The following PPP2CB variants were observed in gnomAD, a reference collection of about 807,000 sequenced individuals.
The protein encoded by PPP2CB is serine/threonine-protein phosphatase 2A catalytic subunit beta isoform.
PPP2CB carries 18 observed loss-of-function variants against 39.1 expected under a neutral mutation model. That is an observed-to-expected ratio of 0.46 (90% CI 0.32 to 0.68). The LOEUF (loss-of-function observed/expected upper bound fraction) is 0.68, where lower values mean the gene tolerates loss of function less well. Ranked by LOEUF, PPP2CB falls within the 30% of genes least tolerant of loss-of-function variation. The pLI is 0.04. For missense variants in PPP2CB, 226 were observed against 396.9 expected, an observed-to-expected ratio of 0.57 and a Z score of 3.66; for synonymous variants, 129 against 133.8, an observed-to-expected ratio of 0.96 and a Z score of 0.25.
At chr8:30,812,294 C>G in intron 1 of PPP2CB, 26 bp downstream of exon 1, 1 of 1,481,170 alleles carries the variant, frequency 6.8e-7, no homozygotes, top group Non-Finnish European at 9.0e-7. Context: ...CCCGCGCTCC[C>G]GCACTCGCCC....
intron 3 of PPP2CB, among the ~76,000 whole-genome samples, chr8:30,795,302 A>G (rs374584342): frequency 1.3e-5 from 2 of 151,844 alleles, no homozygotes; most frequent in East Asian, 1.9e-4. Context: ...TTTAGTAGAG[A>G]CAGGGTTTCT....
rs1314733797 is a variant in PPP2CB, at chr8:30,812,810, C to T, written c.-389G>A. On this transcript the variant is annotated 5_prime_UTR_variant, in exon 1 of 7. Coordinates refer to ENST00000221138, the MANE Select transcript of PPP2CB (RefSeq NM_001009552.2). ...CCGGCCTCTCCCGACTTGTCTTTCC[C>T]CTTCTCTCGCTCTTTCTCTCCCCTC... is the stretch of plus-strand genomic sequence containing the variant. 2 of 460,242 alleles carry T rather than the reference C, an allele frequency of 4.3e-6. No homozygotes were observed. Among genetic ancestry groups the T allele is most frequent in the African/African-American group, 2.0e-5 (1 of 50,370 alleles). The allele number at this position is 460,242 out of a possible 1,614,324, so 28.5% of individuals were successfully genotyped here.
At chr8:30,791,960 GTATACGTGTGTATATGTGTATA>G (rs1806441388) in intron 5 of PPP2CB, among the ~76,000 whole-genome samples, 1 of 136,742 alleles carries the variant, frequency 7.3e-6, no homozygotes, top group Non-Finnish European at 1.5e-5. Context: ...GCGCATATAT[GTATACGTGTGTATATGTGTATA>G]TATACGTGTG....
At chr8:30,803,691 T>C (rs1210265735) in intron 1 of PPP2CB, among the ~76,000 whole-genome samples, 4 of 152,152 alleles carry the variant, frequency 2.6e-5, no homozygotes, top group Non-Finnish European at 5.9e-5. Flanking sequence ...AATCAGACTA[T>C]ACAAAAATGC....
intron 1 of PPP2CB, among the ~76,000 whole-genome samples, chr8:30,800,437 T>C (rs1348454759): frequency 6.6e-6 from 1 of 152,216 alleles, no homozygotes; most frequent in Non-Finnish European, 1.5e-5. Context: ...ATTATGCAAA[T>C]TCTTGTGTGA....
chr8:30,786,080 A>T lies in PPP2CB; in HGVS notation c.*155T>A, dbSNP rs1487265182. On this transcript the variant is annotated 3_prime_UTR_variant, in exon 7 of 7. Coordinates refer to ENST00000221138, the MANE Select transcript of PPP2CB (RefSeq NM_001009552.2). Reference sequence around the variant, plus strand: ...ATTGTGCTAAATGCTCATCATTAGTATGGCACATTTGGTCCATGATGTGGT... The same window carrying T: ...ATTGTGCTAAATGCTCATCATTAGTTTGGCACATTTGGTCCATGATGTGGT... The T allele has an allele frequency of 1.1e-5, 8 of 717,422 alleles. No individual in the cohort carries two copies. Among genetic ancestry groups the T allele is most frequent in the Non-Finnish European group, 2.0e-5 (8 of 401,650 alleles). The allele number at this position is 717,422 out of a possible 1,614,324, so 44.4% of individuals were successfully genotyped here.
chr8:30,800,484 A>G (rs949965883), intron 1 of PPP2CB, among the ~76,000 whole-genome samples: 2 of 152,238 alleles, frequency 1.3e-5, no homozygotes, highest in Non-Finnish European at 2.9e-5. Flanking sequence ...GCCAACCTTG[A>G]ATTTCTTTAT....
chr8:30,803,270 C>A (rs1391865326), intron 1 of PPP2CB, among the ~76,000 whole-genome samples: 1 of 151,922 alleles, frequency 6.6e-6, no homozygotes, highest in African/African-American at 2.4e-5. Context: ...AGGCCGGGGG[C>A]AGTGGCTCAC....
In PPP2CB at chr8:30,812,460, G is replaced by A. The variant is rs1265365117; in HGVS notation, c.-39C>T. 1 of 1,418,054 alleles carries A rather than the reference G, an allele frequency of 7.1e-7. No individual in the cohort carries two copies. The highest frequency in any genetic ancestry group is 1.3e-5 in the South Asian group (1 of 74,086). 87.8% of individuals were successfully genotyped at this position (1,418,054 alleles called of 1,614,324 possible). A position where few individuals can be genotyped will look rare whatever the true frequency, so the allele number is the denominator to read the frequency against. ...CGATGCGGATCCCGAGCCCCAGCCC[G>A]GCCGCCGCCCTCCCCCCTCCCCACC... On this transcript the variant is annotated 5_prime_UTR_variant, in exon 1 of 7. Coordinates refer to ENST00000221138, the MANE Select transcript of PPP2CB (RefSeq NM_001009552.2).
At chr8:30,804,382 T>TG (rs1563217113) in intron 1 of PPP2CB, among the ~76,000 whole-genome samples, 1 of 152,192 alleles carries the variant, frequency 6.6e-6, no homozygotes, top group Non-Finnish European at 1.5e-5. Flanking sequence ...GATCTCTGCC[T>TG]GGGGGCTCTG....
rs142043612 is a variant in PPP2CB at position 30,797,645 on chromosome 8, T to A, written c.422A>T (p.Asn141Ile). Residue 141 changes from asparagine (N) to isoleucine (I), a missense_variant, in exon 3 of 7, where the codon AAC becomes ATC. By Grantham distance (149) the Asn-to-Ile change is moderately radical. Coordinates refer to ENST00000221138, the MANE Select transcript of PPP2CB (RefSeq NM_001009552.2). ...GAGATCTGTAAAATATTTCCAAACG[T>A]TGGCATTCCCATACTTTCGCAGACA... Reference protein sequence around the residue: ...DECLRKYGNANVWKYFTDLFD... With the variant: ...DECLRKYGNAIVWKYFTDLFD... The A allele has an allele frequency of 1.2e-5, 20 of 1,613,868 alleles. No homozygotes were observed. The Admixed American group carries it at 3.2e-4, about 26-fold the overall frequency.
At chr8:30,786,633 A>T in intron 6 of PPP2CB, 1 of 108,732 alleles carries the variant, frequency 9.2e-6, no homozygotes, top group Admixed American at 1.5e-4. Flanking sequence ...ATAATTGTTT[A>T]ATATTATTTA....
intron 1 of PPP2CB, among the ~76,000 whole-genome samples, chr8:30,807,408 C>T (rs1303491761): frequency 6.6e-6 from 1 of 152,228 alleles, no homozygotes; most frequent in East Asian, 1.9e-4. Context: ...CATACTATTT[C>T]ACATTAGGAA....
In PPP2CB at chr8:30,797,645, T is replaced by C. The variant is rs142043612; in HGVS notation, c.422A>G (p.Asn141Ser). 37 of 1,613,868 alleles carry C rather than the reference T, an allele frequency of 2.3e-5. No homozygotes were observed. In the Middle Eastern group the frequency reaches 2.3e-3, roughly 100 times the overall value. Residue 141 changes from asparagine (N) to serine (S), a missense_variant, in exon 3 of 7, where the codon AAC becomes AGC. By Grantham distance (46) the Asn-to-Ser change is conservative. Coordinates refer to ENST00000221138, the MANE Select transcript of PPP2CB (RefSeq NM_001009552.2). The part of the protein sequence containing the change: ...DECLRKYGNA[N>S]VWKYFTDLFD... ...GAGATCTGTAAAATATTTCCAAACG[T>C]TGGCATTCCCATACTTTCGCAGACA...
At chr8:30,812,231 G>T in intron 1 of PPP2CB, 89 bp downstream of exon 1, 1 of 992,594 alleles carries the variant, frequency 1.0e-6, no homozygotes, top group Non-Finnish European at 1.3e-6. Flanking sequence ...GGCCGCGCCG[G>T]GCCAGGGGCG....
chr8:30,793,149 A>G (rs943158987), intron 5 of PPP2CB: 2 of 152,218 alleles, frequency 1.3e-5, no homozygotes, highest in African/African-American at 2.4e-5. Flanking sequence ...AGGACACACC[A>G]TCTTTCTATG....
intron 6 of PPP2CB, 71 bp downstream of exon 6, chr8:30,791,126 A>G (rs1806420698): frequency 9.4e-7 from 1 of 1,066,068 alleles, no homozygotes; most frequent in South Asian, 1.6e-5. Flanking sequence ...TCAGAAACAG[A>G]AATCTTCTAT....
chr8:30,797,612 T>C lies in PPP2CB; in HGVS notation c.455A>G (p.Tyr152Cys). The C allele has an allele frequency of 6.2e-7, 1 of 1,613,930 alleles. No individual in the cohort carries two copies. Among genetic ancestry groups the C allele is most frequent in the African/African-American group, 1.3e-5 (1 of 75,056 alleles). ...VWKYFTDLFD[Y>C]LPLTALVDGQ... is the part of the protein sequence containing the mutation. ...ATCTACTAAAGCTGTAAGTGGAAGA[T>C]AATCAAAGAGATCTGTAAAATATTT... The change falls in exon 3 of 7, where the codon TAT (tyrosine) becomes TGT (cysteine). Residue 152 changes from tyrosine (Y) to cysteine (C), a missense_variant. By Grantham distance (194) the Tyr-to-Cys change is radical. This residue lies in a region of PPP2CB where 110 missense variants were observed against 244.1 expected (regional missense o/e 0.45). Transcript: ENST00000221138.
chr8:30,797,448 T>C (rs1309868859), intron 3 of PPP2CB, 133 bp downstream of exon 3: 2 of 861,900 alleles, frequency 2.3e-6, no homozygotes, highest in Non-Finnish European at 3.4e-6. Flanking sequence ...AAATTTTAAG[T>C]ATAAGGGAAG....
Sources: allele counts gnomAD v4.1 joint callset (sites outside exome capture counted in the v4.1 genomes callset), GRCh38; gene constraint gnomAD v4.1.1; regional missense constraint gnomAD v4.1.1; transcripts MANE v1.5; gene names NCBI Gene and HGNC (gene_info 2026-07-23, HGNC 2026-07-21).